The following UST variants were observed in gnomAD, a reference collection of about 807,000 sequenced individuals.
UST encodes chondroitin sulfate 2-O-sulfotransferase.
UST carries 21 observed loss-of-function variants against 45.6 expected under a neutral mutation model. That is an observed-to-expected ratio of 0.46 (90% CI 0.33 to 0.66). UST has a LOEUF of 0.66. UST is among the 30% of genes least tolerant of loss of function. UST has a pLI of 0.02. For synonymous variants in UST, 215 were observed against 200.6 expected (o/e 1.07, Z -0.61); for missense variants, 463 against 512.4 (o/e 0.90, Z 0.93).
In UST at chr6:148,795,139, G is replaced by GT. The variant is rs771755087; in HGVS notation, c.247+47467dup. Among the ~76,000 whole-genome samples, 16 of 152,318 alleles carry GT rather than the reference G, an allele frequency of 1.1e-4. No homozygotes were observed. The East Asian group carries it at 1.2e-3, about 11-fold the overall frequency. ...TTTTCTGTAATATGATTTGTACTAT[G>GT]TTTTTCATCATGGAAAATTAAATTT... On this transcript the variant is annotated intron_variant, in intron 1 of 7. Coordinates refer to ENST00000367463, the MANE Select transcript of UST (RefSeq NM_005715.3).
rs907661031 is a variant in UST, at chr6:148,747,309, C to A, written c.-122C>A. 3.9e-5 allele frequency: 48 copies of A among 1,222,138 alleles called. No individual in the cohort carries two copies. The highest frequency in any genetic ancestry group is 3.0e-4 in the Middle Eastern group (1 of 3,346). The allele number at this position is 1,222,138 out of a possible 1,614,324, so 75.7% of individuals were successfully genotyped here. A position where few individuals can be genotyped will look rare whatever the true frequency, so the allele number is the denominator to read the frequency against. On this transcript the variant is annotated 5_prime_UTR_variant, in exon 1 of 8. Coordinates refer to ENST00000367463, the MANE Select transcript of UST (RefSeq NM_005715.3). ...GGCAACTTCGGCCCCTCCCCGCCCC[C>A]ACCCGGCTGCCCTCCGCGCGGCCCT...
rs747759425 is a variant in UST, at chr6:149,019,171, C to T, written c.714C>T (p.Pro238=). ...DINECILENY[P]ECSNPRLFYI... is the part of the protein sequence containing the mutation. Reference sequence around the variant, plus strand: ...ATGAGTGTATTCTTGAAAACTATCCCGAGTGCTCCAACCCCAGGTTATTTT... The same window carrying T: ...ATGAGTGTATTCTTGAAAACTATCCTGAGTGCTCCAACCCCAGGTTATTTT... Residue 238 remains proline, a synonymous_variant, in exon 6 of 8, where the codon CCC becomes CCT. Coordinates refer to ENST00000367463, the MANE Select transcript of UST (RefSeq NM_005715.3). 1.3e-4 allele frequency: 216 copies of T among 1,613,874 alleles called. No homozygotes were observed. The highest frequency in any genetic ancestry group is 2.9e-5 in the Non-Finnish European group (34 of 1,179,918).
intron 1 of UST, among the ~76,000 whole-genome samples, chr6:148,866,845 T>G (rs767426556): frequency 7.9e-5 from 12 of 152,224 alleles, no homozygotes; most frequent in Non-Finnish European, 1.8e-4. Context: ...AATTATTCTC[T>G]GTTACATGTA....
chr6:149,000,344 T>G (rs1209564970), intron 5 of UST, among the ~76,000 whole-genome samples: 3 of 152,184 alleles, frequency 2.0e-5, no homozygotes, highest in Non-Finnish European at 4.4e-5. Context: ...CTCATTGCTC[T>G]CATAAGATGG....
rs1780123693 is a variant in UST, at chr6:148,941,413, C to G, written c.426C>G (p.Thr142=). Residue 142 remains threonine (T), a synonymous_variant, in exon 3 of 8, where the codon ACC becomes ACG. Coordinates refer to ENST00000367463, the MANE Select transcript of UST (RefSeq NM_005715.3). ...NLVTSDIHNK[T]RLTKNEQMEL... ...TCACATCAGACATTCACAACAAAACCAGGCTTACTAAAAATGAACAAGTAA... is the reference window on the plus strand; with the variant it reads ...TCACATCAGACATTCACAACAAAACGAGGCTTACTAAAAATGAACAAGTAA... 6.3e-7 allele frequency: 1 copy of G among 1,590,160 alleles called. No individual in the cohort carries two copies. The highest frequency in any genetic ancestry group is 8.5e-7 in the Non-Finnish European group (1 of 1,174,058).
intron 3 of UST, among the ~76,000 whole-genome samples, chr6:148,943,406 T>C (rs894712940): frequency 2.0e-5 from 3 of 152,200 alleles, no homozygotes; most frequent in Non-Finnish European, 4.4e-5. Context: ...AAATGTGCCT[T>C]GGGATTTTAT....
chr6:148,870,215 C>T (rs1237901401), intron 1 of UST, among the ~76,000 whole-genome samples: 1 of 151,818 alleles, frequency 6.6e-6, no homozygotes, highest in African/African-American at 2.4e-5. Context: ...GAACCCAGTC[C>T]GAGCCCAGCT....
intron 1 of UST, among the ~76,000 whole-genome samples, chr6:148,878,169 A>G (rs1382065009): frequency 4.6e-5 from 2 of 43,078 alleles, no homozygotes; most frequent in Non-Finnish European, 4.3e-5. Flanking sequence ...AGTGCGGGGG[A>G]TTGTGTACGA....
intron 5 of UST, among the ~76,000 whole-genome samples, chr6:148,988,753 TC>T (rs1781288967): frequency 6.6e-6 from 1 of 151,738 alleles, no homozygotes; most frequent in African/African-American, 2.4e-5. Context: ...CCCCACCTCT[TC>T]CCAACCAAAT....
rs1299753967 is a variant in UST at position 148,790,730 on chromosome 6, C to T, written c.247+43053C>T. On this transcript the variant is annotated intron_variant, in intron 1 of 7. Transcript: ENST00000367463. The surrounding 1 kb of genome is among the most constrained non-coding windows in gnomAD (Gnocchi z 4.2). ...GGTTATGCCTCTCCTCTCGGGGCAT[C>T]CCACATCCAATGCCTGGTTGATGTG... 2.6e-5 allele frequency among the ~76,000 whole-genome samples: 4 copies of T among 152,314 alleles called. No homozygotes were observed. The South Asian group carries it at 8.3e-4, about 32-fold the overall frequency.
At chr6:148,957,904 T>C (rs1780552946) in intron 4 of UST, among the ~76,000 whole-genome samples, 1 of 152,178 alleles carries the variant, frequency 6.6e-6, no homozygotes, top group South Asian at 2.1e-4. Flanking sequence ...CAACCTAATA[T>C]TATTGTTGAT....
chr6:148,972,802 G>C (rs552002411), intron 5 of UST, among the ~76,000 whole-genome samples: 1 of 152,386 alleles, frequency 6.6e-6, no homozygotes, highest in South Asian at 2.1e-4. Flanking sequence ...ACTTGTGGAG[G>C]CTTTAAAAAC....
chr6:148,876,566 C>T (rs141949750), intron 1 of UST, among the ~76,000 whole-genome samples: 80 of 152,208 alleles, frequency 5.3e-4, no homozygotes, highest in African/African-American at 1.8e-3. Flanking sequence ...AACCCCTGGG[C>T]CATGTTCTTT....
Position 149,074,416 on chromosome 6 carries a change from T to C in UST, c.*300T>C, listed in dbSNP as rs1033029332. 14 of 391,192 alleles carry C rather than the reference T, an allele frequency of 3.6e-5. No individual in the cohort carries two copies. The highest frequency in any genetic ancestry group is 3.2e-4 in the Admixed American group (8 of 24,620). 24.2% of individuals were successfully genotyped at this position (391,192 alleles called of 1,614,324 possible). A position where few individuals can be genotyped will look rare whatever the true frequency, so the allele number is the denominator to read the frequency against. On this transcript the variant is annotated 3_prime_UTR_variant, in exon 8 of 8. Transcript: ENST00000367463. ...TATCATGGGAAAAGGGGGAGAAATA[T>C]AGCCCCTAGCCTAATAACTTATCAT...
chr6:148,884,972 CAG>C (rs765272554), intron 1 of UST, among the ~76,000 whole-genome samples: 12 of 151,996 alleles, frequency 7.9e-5, no homozygotes, highest in Non-Finnish European at 1.5e-4. Context: ...ATAAGGAAGA[CAG>C]TGGAGGCAGA....
Position 148,748,398 on chromosome 6 carries a change from C to CTT in UST, c.247+722_247+723dup, listed in dbSNP as rs1160673929. 1.7e-5 allele frequency among the ~76,000 whole-genome samples: 2 copies of CTT among 116,244 alleles called. No individual in the cohort carries two copies. The highest frequency in any genetic ancestry group is 5.3e-4 in the East Asian group (2 of 3,750). The allele number at this position is 116,244 out of a possible 152,430, so 76.3% of individuals were successfully genotyped here. ...TGTGCGTCTCAAGCTCAAGTCAAAA[C>CTT]TTGTGTGTGTGTGTGTGTGTGTGTG... On this transcript the variant is annotated intron_variant, in intron 1 of 7. Coordinates refer to ENST00000367463, the MANE Select transcript of UST (RefSeq NM_005715.3). The surrounding 1 kb of genome is among the most constrained non-coding windows in gnomAD (Gnocchi z 5.3).
chr6:148,923,903 G>T (rs1283581667), intron 2 of UST, among the ~76,000 whole-genome samples: 1 of 152,184 alleles, frequency 6.6e-6, no homozygotes, highest in Admixed American at 6.5e-5. Flanking sequence ...TTCAACAAAG[G>T]ATTTAATGCC....
At chr6:148,865,902 T>A (rs1778420090) in intron 1 of UST, among the ~76,000 whole-genome samples, 1 of 152,170 alleles carries the variant, frequency 6.6e-6, no homozygotes, top group East Asian at 1.9e-4. Context: ...AATGTATGTC[T>A]GAGGCTTTTA....
At chr6:148,782,094 T>G (rs996285243) in intron 1 of UST, among the ~76,000 whole-genome samples, 3 of 152,236 alleles carry the variant, frequency 2.0e-5, no homozygotes, top group Non-Finnish European at 2.9e-5. Context: ...TACATTTCTT[T>G]TTTTTTGAAA....
Sources: allele counts gnomAD v4.1 joint callset (sites outside exome capture counted in the v4.1 genomes callset), GRCh38; gene constraint gnomAD v4.1.1; non-coding constraint Gnocchi (gnomAD v3.1); transcripts MANE v1.5; gene names NCBI Gene and HGNC (gene_info 2026-07-23, HGNC 2026-07-21).